RIPOR3: variants seen among roughly 807,000 people sequenced by gnomAD.
RIPOR3 encodes family with sequence similarity 65 member C.
A neutral mutation model predicts 114.3 loss-of-function variants in RIPOR3; 95 were observed. The ratio of observed to expected loss-of-function variants is 0.83; its 90% CI spans 0.70 to 0.99. The LOEUF (loss-of-function observed/expected upper bound fraction) is 0.99. RIPOR3 is among the 50% of genes least tolerant of loss of function. The pLI, the probability that RIPOR3 is intolerant of heterozygous loss-of-function variation, is 0.00. For synonymous variants in RIPOR3, 575 were observed against 543.8 expected, an observed-to-expected ratio of 1.06 and a Z score of -0.80; for missense variants, 1,252 against 1,266.9, an observed-to-expected ratio of 0.99 and a Z score of 0.18.
At chr20:50,598,539 A>G (rs1175551303) in intron 13 of RIPOR3, among the ~76,000 whole-genome samples, 1 of 152,170 alleles carries the variant, frequency 6.6e-6, no homozygotes, top group Non-Finnish European at 1.5e-5. Context: ...AGGGAATAAC[A>G]AGGCTAGTTG....
At chr20:50,681,789 T>C (rs2086870550) in intron 1 of RIPOR3, among the ~76,000 whole-genome samples, 1 of 152,176 alleles carries the variant, frequency 6.6e-6, no homozygotes, top group African/African-American at 2.4e-5. Context: ...AGATCTGTAA[T>C]CCCTACGCCA....
At chr20:50,605,612 A>G (rs2083680945) in intron 11 of RIPOR3, among the ~76,000 whole-genome samples, 1 of 151,224 alleles carries the variant, frequency 6.6e-6, no homozygotes, top group African/African-American at 2.4e-5. Flanking sequence ...TCTACAAAAA[A>G]TGAATACATT....
chr20:50,612,660 T>C lies in RIPOR3; in HGVS notation c.349-1456A>G, dbSNP rs532345705. ...AAATATGGAAAGATCAATAAAAGAT[T>C]GTTCTCAAGGGTTAAACGGGATGGG... On this transcript the variant is annotated intron_variant, in intron 4 of 21. Transcript: ENST00000327979. Among the ~76,000 whole-genome samples the C allele has an allele frequency of 3.6e-4, 55 of 152,290 alleles. No individual in the cohort carries two copies. The Middle Eastern group carries it at 0.01, about 28-fold the overall frequency.
chr20:50,603,009 G>A (rs1386617715), intron 12 of RIPOR3, among the ~76,000 whole-genome samples: 1 of 152,196 alleles, frequency 6.6e-6, no homozygotes, highest in Admixed American at 6.5e-5. Context: ...ACCTTACATA[G>A]GTGTCACCTC....
At chr20:50,638,550 G>T (rs2085072984) in intron 1 of RIPOR3, among the ~76,000 whole-genome samples, 1 of 152,192 alleles carries the variant, frequency 6.6e-6, no homozygotes, top group African/African-American at 2.4e-5. Context: ...TCAGCCAGGG[G>T]TCACCTTGAA....
chr20:50,610,992 C>T (rs2083956622), intron 5 of RIPOR3, 86 bp from the exon 6 acceptor site: 14 of 841,098 alleles, frequency 1.7e-5, no homozygotes, highest in Middle Eastern at 2.9e-4. Flanking sequence ...CCTACAGGTC[C>T]TAACTCAGAG....
At chr20:50,683,892 C>G (rs2086935554) in intron 1 of RIPOR3, among the ~76,000 whole-genome samples, 1 of 151,892 alleles carries the variant, frequency 6.6e-6, no homozygotes, top group Non-Finnish European at 1.5e-5. Context: ...ACCAACGTGG[C>G]CAACATAGCA....
At chr20:50,653,076 G>A (rs1044513193) in intron 1 of RIPOR3, 8 of 152,198 alleles carry the variant, frequency 5.3e-5, no homozygotes, top group African/African-American at 1.7e-4. Flanking sequence ...CAGCTGATGA[G>A]TGGGTAAACA....
At chr20:50,607,644 C>A (rs922159868) in intron 11 of RIPOR3, among the ~76,000 whole-genome samples, 2 of 152,136 alleles carry the variant, frequency 1.3e-5, no homozygotes, top group African/African-American at 2.4e-5. Flanking sequence ...GGGGTATTCT[C>A]AGCCCTACCA....
chr20:50,597,182 T>G (rs1434941211), intron 14 of RIPOR3: 1 of 168,282 alleles, frequency 5.9e-6, no homozygotes, highest in African/African-American at 2.4e-5. Context: ...GCCAGGCTGG[T>G]CTTGAACTCC....
At chr20:50,647,278 T>C (rs1049077322) in intron 1 of RIPOR3, among the ~76,000 whole-genome samples, 9 of 151,868 alleles carry the variant, frequency 5.9e-5, no homozygotes, top group Admixed American at 2.6e-4. Context: ...CAGGATCGCA[T>C]CACTGTACTC....
chr20:50,606,270 G>A (rs1387114197), intron 11 of RIPOR3, among the ~76,000 whole-genome samples: 1 of 152,252 alleles, frequency 6.6e-6, no homozygotes, highest in African/African-American at 2.4e-5. Flanking sequence ...CAGATGGTGA[G>A]GGACAGTGAC....
chr20:50,639,264 G>C (rs1049427791), intron 1 of RIPOR3, among the ~76,000 whole-genome samples: 2 of 151,728 alleles, frequency 1.3e-5, no homozygotes, highest in African/African-American at 4.8e-5. Flanking sequence ...CCTGAAAACA[G>C]CAATAATGCC....
chr20:50,685,369 A>G (rs2086981676), intron 1 of RIPOR3, among the ~76,000 whole-genome samples: 1 of 151,442 alleles, frequency 6.6e-6, no homozygotes, highest in Non-Finnish European at 1.5e-5. Flanking sequence ...GGAGCCCGCC[A>G]CTGCGCCTGG....
chr20:50,597,984 C>T (rs1486360547), intron 13 of RIPOR3, among the ~76,000 whole-genome samples: 12 of 152,304 alleles, frequency 7.9e-5, no homozygotes, highest in Middle Eastern at 3.4e-3. Flanking sequence ...CAGACACCCA[C>T]GGGGACAAGG....
At chr20:50,645,139 G>C (rs1442493340) in intron 1 of RIPOR3, among the ~76,000 whole-genome samples, 2 of 152,050 alleles carry the variant, frequency 1.3e-5, no homozygotes, top group East Asian at 3.9e-4. Flanking sequence ...ACTGCGCCTG[G>C]CCCCCATTTC....
chr20:50,636,805 C>G, intron 1 of RIPOR3: 1 of 985,572 alleles, frequency 1.0e-6, no homozygotes, highest in African/African-American at 1.7e-5. Flanking sequence ...CTGGCCAAAG[C>G]TGCCCTGCGT....
rs550484924 is a variant in RIPOR3, at chr20:50,677,826, C to T, written c.3+13300G>A. On this transcript the variant is annotated intron_variant, in intron 1 of 21. Transcript: ENST00000327979. The stretch of plus-strand genomic sequence containing the variant: ...CTGGAATTACAGGCACGTGCCACCA[C>T]GCCCAGCTAATTTTTGTATTTTTAG... Among the ~76,000 whole-genome samples the T allele has an allele frequency of 1.6e-4, 25 of 152,084 alleles. No individual in the cohort carries two copies. In the South Asian group the frequency reaches 5.0e-3, roughly 30 times the overall value.
Position 50,683,822 on chromosome 20 carries a change from C to G in RIPOR3, c.3+7304G>C, listed in dbSNP as rs150898401. On this transcript the variant is annotated intron_variant, in intron 1 of 21. Transcript: ENST00000327979. ...AGGCCGGGTGCAGTGTCTCACACCTCTAATCTCAGAAACTTTGGGAGGCCA... is the reference window on the plus strand; with the variant it reads ...AGGCCGGGTGCAGTGTCTCACACCTGTAATCTCAGAAACTTTGGGAGGCCA... Among the ~76,000 whole-genome samples the G allele has an allele frequency of 3.0e-4, 45 of 151,906 alleles. No individual in the cohort carries two copies. The East Asian group carries it at 8.6e-3, about 29-fold the overall frequency.
Sources: allele counts gnomAD v4.1 joint callset (sites outside exome capture counted in the v4.1 genomes callset), GRCh38; gene constraint gnomAD v4.1.1; transcripts MANE v1.5; gene names NCBI Gene and HGNC (gene_info 2026-07-23, HGNC 2026-07-21).